SUPT16H: variants seen among roughly 807,000 people sequenced by gnomAD.
The protein encoded by SUPT16H is FACT complex subunit SPT16.
Under a neutral mutation model 136.2 loss-of-function variants are expected in SUPT16H, and 24 were observed. The observed-to-expected ratio is 0.18, with a 90% CI of 0.13 to 0.25. The LOEUF (loss-of-function observed/expected upper bound fraction) is 0.25. Ranked by LOEUF, SUPT16H falls within the 10% of genes least tolerant of loss-of-function variation. SUPT16H has a pLI of 1.00. For missense variants in SUPT16H, 623 were observed against 1,270.2 expected, an observed-to-expected ratio of 0.49 and a Z score of 7.74; for synonymous variants, 415 against 428.2, an observed-to-expected ratio of 0.97 and a Z score of 0.38.
chr14:21,380,296 A>ATTT (rs60588939), intron 1 of SUPT16H, among the ~76,000 whole-genome samples: 2,319 of 112,030 alleles, frequency 0.021, 70 homozygotes, highest in Middle Eastern at 0.071. Flanking sequence ...GGAAGACTGA[A>ATTT]TTTTTTTTTT....
intron 7 of SUPT16H, 61 bp downstream of exon 7, chr14:21,368,195 GTGTGACCCACAGC>G (rs1352380981): frequency 6.7e-7 from 1 of 1,494,684 alleles, no homozygotes; most frequent in African/African-American, 1.4e-5. Flanking sequence ...GGGATTACAG[GTGTGACCCACAGC>G]TCCCGGCCAA....
chr14:21,362,669 G>GT, intron 14 of SUPT16H, 125 bp downstream of exon 14: 1 of 1,125,628 alleles, frequency 8.9e-7, no homozygotes, highest in Non-Finnish European at 1.2e-6. Flanking sequence ...AGGGATGTCA[G>GT]TAACTGAACA....
intron 1 of SUPT16H, among the ~76,000 whole-genome samples, chr14:21,377,738 C>T (rs774553988): frequency 1.6e-4 from 24 of 152,176 alleles, no homozygotes; most frequent in Admixed American, 8.5e-4. Flanking sequence ...ATTCTCGTGC[C>T]TCAGCCTCCT....
intron 7 of SUPT16H, 105 bp from the exon 8 acceptor site, chr14:21,366,634 T>G: frequency 9.4e-7 from 1 of 1,068,674 alleles, no homozygotes; most frequent in South Asian, 1.5e-5. Flanking sequence ...TTTCTCAAAG[T>G]GTGAACTAAA....
At chr14:21,370,690 T>C (rs1886767607) in intron 3 of SUPT16H, among the ~76,000 whole-genome samples, 1 of 152,174 alleles carries the variant, frequency 6.6e-6, no homozygotes, top group South Asian at 2.1e-4. Context: ...CACAGCTTAC[T>C]GCAACCTCGA....
intron 14 of SUPT16H, 38 bp downstream of exon 14, chr14:21,362,756 A>G: frequency 1.3e-6 from 2 of 1,558,806 alleles, no homozygotes; most frequent in Non-Finnish European, 1.7e-6. Flanking sequence ...ATTTTAAGCA[A>G]CAGTTTGGAT....
chr14:21,364,971 C>A (rs1319032494), intron 9 of SUPT16H, 32 bp from the exon 10 acceptor site: 4 of 1,611,288 alleles, frequency 2.5e-6, no homozygotes, highest in Non-Finnish European at 2.5e-6. Flanking sequence ...CAGTCTGTGG[C>A]TGTGACAATG....
intron 1 of SUPT16H, among the ~76,000 whole-genome samples, chr14:21,374,138 C>CT: frequency 6.6e-6 from 1 of 152,344 alleles, no homozygotes; most frequent in African/African-American, 2.4e-5. Flanking sequence ...CATATGCCTT[C>CT]TTTTTTGGTT....
At chr14:21,365,289 G>A in intron 8 of SUPT16H, 146 bp from the exon 9 acceptor site, 1 of 739,926 alleles carries the variant, frequency 1.4e-6, no homozygotes, top group Non-Finnish European at 2.2e-6. Context: ...TAGAAAAGAG[G>A]ATTCAAAGAC....
At chr14:21,377,378 G>GT (rs1357474728) in intron 1 of SUPT16H, among the ~76,000 whole-genome samples, 2 of 152,184 alleles carry the variant, frequency 1.3e-5, no homozygotes, top group Non-Finnish European at 2.9e-5. Flanking sequence ...CTTCTCAAAA[G>GT]TAACACTGAA....
intron 25 of SUPT16H, 118 bp from the exon 26 acceptor site, chr14:21,352,936 G>A: frequency 1.5e-6 from 2 of 1,328,952 alleles, no homozygotes; most frequent in South Asian, 1.3e-5. Context: ...TTTTAATATT[G>A]GGCAAGTACT....
chr14:21,378,297 T>C (rs1886948773), intron 1 of SUPT16H, among the ~76,000 whole-genome samples: 1 of 152,038 alleles, frequency 6.6e-6, no homozygotes, highest in Non-Finnish European at 1.5e-5. Flanking sequence ...CTAGGGAGAC[T>C]TTTTTTAAAG....
chr14:21,360,548 G>A lies in SUPT16H; in HGVS notation c.2057-15C>T. On this transcript the variant is annotated splice_polypyrimidine_tract_variant and intron_variant, in intron 17 of 25. Coordinates refer to ENST00000216297, the MANE Select transcript of SUPT16H (RefSeq NM_007192.4). ...GAAGCGGAAGCCTGGGGAAAAGAAT[G>A]AAGAAATGTCAAGCAGTATAATTAA... The A allele has an allele frequency of 1.3e-6, 2 of 1,597,814 alleles. No individual in the cohort carries two copies. The highest frequency in any genetic ancestry group is 1.7e-6 in the Non-Finnish European group (2 of 1,167,646).
chr14:21,362,387 G>C (rs894987969), intron 14 of SUPT16H, 63 bp from the exon 15 acceptor site: 2 of 1,528,380 alleles, frequency 1.3e-6, no homozygotes, highest in East Asian at 2.3e-5. Context: ...TAGTTACAGA[G>C]ATGTTAAAAT....
rs1886585878 is a variant in SUPT16H at position 21,362,827 on chromosome 14, G to A, written c.1632C>T (p.Gly544=). 2 of 1,611,512 alleles carry A rather than the reference G, an allele frequency of 1.2e-6. No individual in the cohort carries two copies. Among genetic ancestry groups the A allele is most frequent in the Middle Eastern group, 1.7e-4 (1 of 6,048 alleles). Residue 544 remains glycine, a synonymous_variant, in exon 14 of 26, where the codon GGC becomes GGT. Coordinates refer to ENST00000216297, the MANE Select transcript of SUPT16H (RefSeq NM_007192.4). ...KYETVIMPVF[G]IATPFHIATI... ...TGGCAATGTGAAACGGTGTTGCAAT[G>A]CCAAACACGGGCATTATTACAGTCT...
At chr14:21,353,650 A>G in intron 24 of SUPT16H, 53 bp downstream of exon 24, 1 of 1,604,044 alleles carries the variant, frequency 6.2e-7, no homozygotes, top group Non-Finnish European at 8.5e-7. Flanking sequence ...AGTAGTTTTC[A>G]GAAATGACAT....
At chr14:21,362,603 T>C (rs1594301479) in intron 14 of SUPT16H, among the ~76,000 whole-genome samples, 191 bp downstream of exon 14, 2 of 152,186 alleles carry the variant, frequency 1.3e-5, no homozygotes, top group Non-Finnish European at 2.9e-5. Context: ...TCTAGACTAG[T>C]TTAGCTTTCT....
chr14:21,361,216 G>C lies in SUPT16H; in HGVS notation c.1794-3C>G, dbSNP rs1886544412. ...TAATATTTGATGCTCGGTATGTACT[G>C]CAGAAAAGCAACAGCATTTATAGAC... On this transcript the variant is annotated splice_region_variant and splice_polypyrimidine_tract_variant and intron_variant, in intron 15 of 25. Transcript: ENST00000216297. 1.2e-6 allele frequency: 2 copies of C among 1,612,528 alleles called. No individual in the cohort carries two copies. The highest frequency in any genetic ancestry group is 1.7e-5 in the Admixed American group (1 of 59,762).
At chr14:21,369,941 T>A in intron 4 of SUPT16H, 45 bp from the exon 5 acceptor site, 1 of 1,600,098 alleles carries the variant, frequency 6.2e-7, no homozygotes, top group Non-Finnish European at 8.5e-7. Context: ...AGTACAGAAT[T>A]ACAAAATAAA....
Sources: allele counts gnomAD v4.1 joint callset (sites outside exome capture counted in the v4.1 genomes callset), GRCh38; gene constraint gnomAD v4.1.1; transcripts MANE v1.5; gene names NCBI Gene and HGNC (gene_info 2026-07-23, HGNC 2026-07-21).